Variants in ZNF385B observed in about 807,000 individuals in gnomAD.
The protein encoded by ZNF385B is zinc finger protein 533.
Under a neutral mutation model 39.2 loss-of-function variants are expected in ZNF385B, and 23 were observed. The ratio of observed to expected loss-of-function variants is 0.59; its 90% CI spans 0.42 to 0.83. ZNF385B has a LOEUF of 0.83. Among genes scored for constraint, ZNF385B ranks in the 40% least tolerant of loss-of-function variants. The pLI is 0.00. For synonymous variants in ZNF385B, 205 were observed against 222.6 expected, an observed-to-expected ratio of 0.92 and a Z score of 0.70; for missense variants, 552 against 598.9, an observed-to-expected ratio of 0.92 and a Z score of 0.82.
At position 179,443,348 on chromosome 2, in the gene ZNF385B, A is replaced by G; in HGVS notation, c.1363T>C (p.Ser455Pro). The G allele has an allele frequency of 1.2e-6, 2 of 1,612,726 alleles. No homozygotes were observed. The highest frequency in any genetic ancestry group is 1.7e-6 in the Non-Finnish European group (2 of 1,179,610). ...ALSLPPRPSA[S>P]LFQAPAIPPA... ...GGAATGGCTGGAGCCTGGAAGAGCG[A>G]GGCAGAGGGCCGGGGTGGGAGTGAC... Residue 455 changes from serine (S) to proline (P), a missense_variant, in exon 10 of 10, where the codon TCG becomes CCG. Physicochemically the swap from Ser to Pro is moderately conservative, Grantham distance 74 (BLOSUM62 -1). Transcript: ENST00000410066.
chr2:179,539,628 T>A (rs896865830), intron 4 of ZNF385B, among the ~76,000 whole-genome samples: 2 of 152,106 alleles, frequency 1.3e-5, no homozygotes, highest in African/African-American at 4.8e-5. Flanking sequence ...AAATAGGAGA[T>A]CCTAATTCTA....
intron 3 of ZNF385B, among the ~76,000 whole-genome samples, chr2:179,727,535 C>T (rs546493889): frequency 6.6e-5 from 10 of 152,168 alleles, no homozygotes; most frequent in East Asian, 1.9e-4. Flanking sequence ...ACAGCAACAA[C>T]GTTTGCCACC....
intron 1 of ZNF385B, among the ~76,000 whole-genome samples, chr2:179,827,532 T>C (rs762516965): frequency 4.6e-5 from 7 of 152,192 alleles, no homozygotes; most frequent in Non-Finnish European, 8.8e-5. Context: ...TAATTATTTA[T>C]TTGAAAAATA....
At chr2:179,838,928 AG>A (rs35164869) in intron 1 of ZNF385B, among the ~76,000 whole-genome samples, 153 of 131,128 alleles carry the variant, frequency 1.2e-3, no homozygotes, top group South Asian at 2.5e-3. Flanking sequence ...CCAAAAAAAA[AG>A]GGGGGGGGGC....
At chr2:179,533,361 G>C (rs967782793) in intron 4 of ZNF385B, among the ~76,000 whole-genome samples, 4 of 152,156 alleles carry the variant, frequency 2.6e-5, no homozygotes, top group African/African-American at 9.7e-5. Flanking sequence ...CAGCTGTAGA[G>C]CTATGAATAT....
chr2:179,470,724 T>C (rs963629208), intron 6 of ZNF385B, among the ~76,000 whole-genome samples: 2 of 152,188 alleles, frequency 1.3e-5, no homozygotes, highest in African/African-American at 4.8e-5. Flanking sequence ...CTGATGTGCT[T>C]TACCGTATGA....
chr2:179,623,789 G>A (rs1206265212), intron 3 of ZNF385B, among the ~76,000 whole-genome samples: 1 of 152,046 alleles, frequency 6.6e-6, no homozygotes, highest in Admixed American at 6.6e-5. Context: ...AGCTCCCCAA[G>A]GCCTTTTCAA....
At chr2:179,751,984 G>A (rs357699) in intron 3 of ZNF385B, among the ~76,000 whole-genome samples, 107,773 of 151,922 alleles carry the variant, frequency 0.71, 38,653 homozygotes, top group Admixed American at 0.8. Flanking sequence ...TGTGCACAAC[G>A]TGCAGGTTTC....
chr2:179,611,412 A>G (rs947796201), intron 3 of ZNF385B, among the ~76,000 whole-genome samples: 1 of 19,038 alleles, frequency 5.3e-5, no homozygotes, highest in African/African-American at 3.6e-4. Context: ...CATCATGGAT[A>G]ATTTTTATCA....
chr2:179,534,847 C>T (rs1007543552), intron 4 of ZNF385B: 1 of 152,064 alleles, frequency 6.6e-6, no homozygotes, highest in African/African-American at 2.4e-5. Context: ...CTCCAAATGG[C>T]TTTTTGGAGA....
chr2:179,851,451 T>TA, intron 1 of ZNF385B, among the ~76,000 whole-genome samples: 1 of 152,042 alleles, frequency 6.6e-6, no homozygotes, highest in Non-Finnish European at 1.5e-5. Flanking sequence ...CCCTGTCTCT[T>TA]AAAAAATAAA....
At chr2:179,622,664 A>C (rs989510696) in intron 3 of ZNF385B, among the ~76,000 whole-genome samples, 3 of 152,174 alleles carry the variant, frequency 2.0e-5, no homozygotes, top group Non-Finnish European at 4.4e-5. Flanking sequence ...TAAGAATAAA[A>C]ATTTTTAATC....
intron 4 of ZNF385B, among the ~76,000 whole-genome samples, chr2:179,523,539 C>T (rs148150962): frequency 2.6e-5 from 4 of 151,912 alleles, no homozygotes; most frequent in Non-Finnish European, 5.9e-5. Context: ...TGTGCTCAAG[C>T]GACTTGACAT....
At chr2:179,614,076 G>T (rs1242037451) in intron 3 of ZNF385B, among the ~76,000 whole-genome samples, 1 of 152,130 alleles carries the variant, frequency 6.6e-6, no homozygotes, top group Non-Finnish European at 1.5e-5. Context: ...GTGACACACG[G>T]CTGCTGCCAA....
At chr2:179,773,101 A>G (rs979979359) in intron 1 of ZNF385B, among the ~76,000 whole-genome samples, 1 of 152,200 alleles carries the variant, frequency 6.6e-6, no homozygotes, top group Non-Finnish European at 1.5e-5. Context: ...ATCCGTCAGG[A>G]AATTTTCCAA....
intron 3 of ZNF385B, among the ~76,000 whole-genome samples, chr2:179,577,198 C>G (rs1171270021): frequency 6.6e-6 from 1 of 152,022 alleles, no homozygotes; most frequent in South Asian, 2.1e-4. Context: ...AATAAGCAGG[C>G]CACCCAGGCC....
chr2:179,627,507 C>T (rs3112961), intron 3 of ZNF385B, among the ~76,000 whole-genome samples: 151,977 of 152,306 alleles, frequency 1, 75,825 homozygotes, highest in Non-Finnish European at 1. Context: ...CACTTTAGAG[C>T]TGGGATCTTA....
At chr2:179,662,586 G>C (rs1186370006) in intron 3 of ZNF385B, among the ~76,000 whole-genome samples, 1 of 152,118 alleles carries the variant, frequency 6.6e-6, no homozygotes. Flanking sequence ...TTGAATAGCA[G>C]TAGGATTATC....
intron 1 of ZNF385B, among the ~76,000 whole-genome samples, chr2:179,804,380 G>A (rs942951746): frequency 3.9e-5 from 6 of 152,186 alleles, no homozygotes; most frequent in African/African-American, 1.4e-4. Flanking sequence ...CAGTGGGATT[G>A]CTCCAGTTTC....
Sources: allele counts gnomAD v4.1 joint callset (sites outside exome capture counted in the v4.1 genomes callset), GRCh38; gene constraint gnomAD v4.1.1; transcripts MANE v1.5; gene names NCBI Gene and HGNC (gene_info 2026-07-23, HGNC 2026-07-21).